The following SUGCT variants were observed in gnomAD, a reference collection of about 807,000 sequenced individuals.
SUGCT encodes succinyl-CoA:glutarate CoA-transferase.
Under a neutral mutation model 55.0 loss-of-function variants are expected in SUGCT, and 41 were observed. The observed-to-expected ratio is 0.74, with a 90% CI of 0.58 to 0.97. The LOEUF is 0.97. Ranked by LOEUF, SUGCT falls within the 50% of genes least tolerant of loss-of-function variation. The pLI is 0.00. For missense variants in SUGCT, 568 were observed against 547.8 expected (o/e 1.04, Z -0.37); for synonymous variants, 187 against 200.4 (o/e 0.93, Z 0.56).
At chr7:40,636,634 G>A (rs765822076) in intron 12 of SUGCT, among the ~76,000 whole-genome samples, 18 of 152,166 alleles carry the variant, frequency 1.2e-4, no homozygotes, top group Admixed American at 5.2e-4. Context: ...CAGGATGCAC[G>A]GGGAGCTTGT....
At chr7:40,437,498 A>G (rs1310326531) in intron 9 of SUGCT, among the ~76,000 whole-genome samples, 2 of 152,214 alleles carry the variant, frequency 1.3e-5, no homozygotes, top group Admixed American at 6.5e-5. Context: ...TGTCCTGCCA[A>G]TGCCAAATTG....
intron 12 of SUGCT, among the ~76,000 whole-genome samples, chr7:40,540,525 C>T (rs1794615825): frequency 6.6e-6 from 1 of 152,212 alleles, no homozygotes; most frequent in South Asian, 2.1e-4. Context: ...GTCACTCTGT[C>T]CTTACCAGGA....
At chr7:40,487,184 A>G (rs1347043311) in intron 11 of SUGCT, among the ~76,000 whole-genome samples, 2 of 145,298 alleles carry the variant, frequency 1.4e-5, no homozygotes, top group East Asian at 4.0e-4. Context: ...GCCCAGGTTC[A>G]AGTGATTCTT....
intron 8 of SUGCT, among the ~76,000 whole-genome samples, chr7:40,308,634 A>G (rs1794963564): frequency 6.6e-6 from 1 of 152,092 alleles, no homozygotes; most frequent in Admixed American, 6.6e-5. Flanking sequence ...TTCCAACTCC[A>G]ATGGCTCTCT....
chr7:41,018,758 G>C, the SUGCT span, among the ~76,000 whole-genome samples: 1 of 152,148 alleles, frequency 6.6e-6, no homozygotes, highest in Non-Finnish European at 1.5e-5. Context: ...GCTCGGTACT[G>C]CATTAACTAT....
At chr7:40,179,164 A>C (rs563331069) in intron 1 of SUGCT, among the ~76,000 whole-genome samples, 3 of 152,210 alleles carry the variant, frequency 2.0e-5, no homozygotes, top group Non-Finnish European at 4.4e-5. Context: ...TCTCACTGCT[A>C]TAACAGGTTA....
chr7:40,929,906 C>T, the SUGCT span, among the ~76,000 whole-genome samples: 3 of 152,176 alleles, frequency 2.0e-5, no homozygotes, highest in Non-Finnish European at 4.4e-5. Context: ...TTTTGCTGTG[C>T]AGAAGCTCTT....
At chr7:40,630,202 T>C (rs1249639266) in intron 12 of SUGCT, among the ~76,000 whole-genome samples, 1 of 152,240 alleles carries the variant, frequency 6.6e-6, no homozygotes, top group East Asian at 1.9e-4. Flanking sequence ...TCATTTCATC[T>C]ACTATTTCTC....
At chr7:40,724,406 A>C (rs1004673382) in intron 12 of SUGCT, among the ~76,000 whole-genome samples, 6 of 128,172 alleles carry the variant, frequency 4.7e-5, no homozygotes, top group Non-Finnish European at 4.6e-5. Context: ...TGTACTAAAA[A>C]TACAAAAAAT....
chr7:40,840,339 G>A (rs987780605), intron 13 of SUGCT, among the ~76,000 whole-genome samples: 2 of 152,088 alleles, frequency 1.3e-5, no homozygotes, highest in Admixed American at 6.6e-5. Context: ...GGTCAGTCCT[G>A]CAGGGTGACC....
chr7:40,968,906 G>T, the SUGCT span, among the ~76,000 whole-genome samples: 1 of 152,112 alleles, frequency 6.6e-6, no homozygotes, highest in African/African-American at 2.4e-5. Flanking sequence ...AAGCACCTGT[G>T]GTGTGAGCAT....
At chr7:40,811,998 C>T (rs1250141846) in intron 13 of SUGCT, among the ~76,000 whole-genome samples, 1 of 152,002 alleles carries the variant, frequency 6.6e-6, no homozygotes, top group Non-Finnish European at 1.5e-5. Flanking sequence ...TTTTTGAAAG[C>T]TTTTTCCATG....
At chr7:40,170,112 T>C (rs762426478) in intron 1 of SUGCT, among the ~76,000 whole-genome samples, 1 of 152,208 alleles carries the variant, frequency 6.6e-6, no homozygotes, top group Non-Finnish European at 1.5e-5. Flanking sequence ...CCAATCTCCA[T>C]GTTCTGATTC....
intron 12 of SUGCT, among the ~76,000 whole-genome samples, chr7:40,583,496 T>C (rs1797210688): frequency 6.6e-6 from 1 of 152,162 alleles, no homozygotes; most frequent in Non-Finnish European, 1.5e-5. Context: ...AATTGTATGA[T>C]GATATTTAGT....
downstream of SUGCT, among the ~76,000 whole-genome samples, chr7:40,863,481 C>A (rs950703477): frequency 3.3e-5 from 5 of 152,090 alleles, no homozygotes; most frequent in Admixed American, 3.3e-4. Context: ...TTCATTCATA[C>A]GTAGGATTCA....
chr7:40,950,602 A>C, the SUGCT span, among the ~76,000 whole-genome samples: 55 of 152,232 alleles, frequency 3.6e-4, no homozygotes, highest in African/African-American at 1.2e-3. Flanking sequence ...TTTGTCATAA[A>C]TAGCTCTTAT....
At chr7:40,194,519 G>T (rs548516075) in intron 5 of SUGCT, among the ~76,000 whole-genome samples, 1 of 152,184 alleles carries the variant, frequency 6.6e-6, no homozygotes, top group Admixed American at 6.5e-5. Context: ...ACCTGCCTTG[G>T]CCTCCCAAAG....
At chr7:40,928,710 C>T in the SUGCT span, among the ~76,000 whole-genome samples, 4 of 151,834 alleles carry the variant, frequency 2.6e-5, no homozygotes, top group Non-Finnish European at 4.4e-5. Flanking sequence ...AGCAATTCTC[C>T]TGCCTCAGCC....
At chr7:40,682,001 A>G (rs924689725) in intron 12 of SUGCT, among the ~76,000 whole-genome samples, 2 of 152,198 alleles carry the variant, frequency 1.3e-5, no homozygotes, top group Non-Finnish European at 2.9e-5. Flanking sequence ...TTGAGTTTCT[A>G]TAGAGAACCA....
Sources: allele counts gnomAD v4.1 joint callset (sites outside exome capture counted in the v4.1 genomes callset), GRCh38; gene constraint gnomAD v4.1.1; transcripts MANE v1.5; gene names NCBI Gene and HGNC (gene_info 2026-07-23, HGNC 2026-07-21).